GRIN2A: variants seen among roughly 807,000 people sequenced by gnomAD.
The protein encoded by GRIN2A is glutamate ionotropic receptor NMDA type subunit 2A, also known as glutamate receptor ionotropic, NMDA 2A.
Under a neutral mutation model 113.4 loss-of-function variants are expected in GRIN2A, and 22 were observed. The observed-to-expected ratio is 0.19, with a 90% CI of 0.14 to 0.28. The LOEUF (loss-of-function observed/expected upper bound fraction) is 0.28, where lower values mean the gene tolerates loss of function less well. Ranked by LOEUF, GRIN2A falls within the 10% of genes least tolerant of loss-of-function variation. The pLI, the probability that GRIN2A is intolerant of heterozygous loss-of-function variation, is 1.00. For missense variants in GRIN2A, 1,502 were observed against 1,887.0 expected, an observed-to-expected ratio of 0.80 and a Z score of 3.78; for synonymous variants, 827 against 738.4, an observed-to-expected ratio of 1.12 and a Z score of -1.94.
intron 2 of GRIN2A, among the ~76,000 whole-genome samples, chr16:9,962,646 C>A (rs1268050721): frequency 1.3e-5 from 2 of 152,112 alleles, no homozygotes; most frequent in Admixed American, 1.3e-4. Context: ...GAAATAGGAA[C>A]ATTTTTACAC....
intron 2 of GRIN2A, among the ~76,000 whole-genome samples, chr16:10,083,707 C>T (rs1362904031): frequency 2.6e-5 from 4 of 152,198 alleles, no homozygotes; most frequent in African/African-American, 4.8e-5. Context: ...TATAAAGTCA[C>T]CTTCTCTAAG....
At chr16:9,916,261 G>A (rs2044247482) in intron 3 of GRIN2A, among the ~76,000 whole-genome samples, 1 of 152,164 alleles carries the variant, frequency 6.6e-6, no homozygotes, top group African/African-American at 2.4e-5. Context: ...GGGTAATAAA[G>A]CAAAATGATC....
chr16:9,855,387 A>G (rs377107870), intron 4 of GRIN2A, among the ~76,000 whole-genome samples: 1 of 152,338 alleles, frequency 6.6e-6, no homozygotes, highest in Admixed American at 6.5e-5. Flanking sequence ...ACGTGGAACT[A>G]TTATCATTAA....
chr16:9,797,524 A>T (rs1903073940), intron 11 of GRIN2A, among the ~76,000 whole-genome samples: 1 of 152,226 alleles, frequency 6.6e-6, no homozygotes, highest in Admixed American at 6.5e-5. Flanking sequence ...CAGTCTCATT[A>T]GACTGCAATA....
At chr16:10,106,610 C>A (rs1330869560) in intron 2 of GRIN2A, among the ~76,000 whole-genome samples, 1 of 151,968 alleles carries the variant, frequency 6.6e-6, no homozygotes, top group Non-Finnish European at 1.5e-5. Flanking sequence ...AGTGGCCTGA[C>A]CCCCAGAAGG....
chr16:9,800,723 T>G (rs2141238445), intron 10 of GRIN2A, among the ~76,000 whole-genome samples: 1 of 151,982 alleles, frequency 6.6e-6, no homozygotes, highest in East Asian at 1.9e-4. Context: ...TCTGAGAGTA[T>G]TAAAGGGAAT....
chr16:9,961,807 C>T (rs2045448373), intron 2 of GRIN2A, among the ~76,000 whole-genome samples: 1 of 152,124 alleles, frequency 6.6e-6, no homozygotes, highest in Non-Finnish European at 1.5e-5. Context: ...CAAAAAAGAG[C>T]CCACAATGCC....
At chr16:9,954,422 C>T (rs1244470399) in intron 2 of GRIN2A, among the ~76,000 whole-genome samples, 1 of 152,164 alleles carries the variant, frequency 6.6e-6, no homozygotes, top group African/African-American at 2.4e-5. Flanking sequence ...ACACACATTG[C>T]ATCATCTTGC....
At chr16:10,177,435 C>T (rs2050170512) in intron 2 of GRIN2A, among the ~76,000 whole-genome samples, 1 of 152,122 alleles carries the variant, frequency 6.6e-6, no homozygotes, top group Admixed American at 6.5e-5. Flanking sequence ...AGAGAGTGGC[C>T]AATGTCTCCA....
At chr16:9,909,331 T>A (rs1031253035) in intron 3 of GRIN2A, among the ~76,000 whole-genome samples, 2 of 152,138 alleles carry the variant, frequency 1.3e-5, no homozygotes, top group African/African-American at 4.8e-5. Flanking sequence ...GTGGGGACAA[T>A]GCCAAACCAT....
At chr16:10,109,014 TAAA>T (rs56946708) in intron 2 of GRIN2A, among the ~76,000 whole-genome samples, 10,384 of 113,716 alleles carry the variant, frequency 0.091, 355 homozygotes, top group Non-Finnish European at 0.13. Flanking sequence ...TGATTCTCTT[TAAA>T]AAAAAAAAAA....
Position 9,761,156 on chromosome 16 carries a change from C to A in GRIN2A, c.*1993G>T, listed in dbSNP as rs1900565702. 1 of 232,510 alleles carries A rather than the reference C, an allele frequency of 4.3e-6. No homozygotes were observed. The allele number at this position is 232,510 out of a possible 1,614,324, so 14.4% of individuals were successfully genotyped here. ...TGATTGACCCTGAAATTTATTGCAA[C>A]CACTTTTCATTATAGGAACACTGTA... On this transcript the variant is annotated 3_prime_UTR_variant, in exon 13 of 13. Coordinates refer to ENST00000330684, the MANE Select transcript of GRIN2A (RefSeq NM_001134407.3).
chr16:9,930,117 C>G (rs1167072706), intron 3 of GRIN2A, among the ~76,000 whole-genome samples: 2 of 152,178 alleles, frequency 1.3e-5, no homozygotes, highest in Non-Finnish European at 2.9e-5. Flanking sequence ...AGGCTGTTGA[C>G]TTAGTGCTCA....
chr16:9,854,322 T>C (rs2042933125), intron 4 of GRIN2A, among the ~76,000 whole-genome samples: 1 of 151,770 alleles, frequency 6.6e-6, no homozygotes. Flanking sequence ...GGTGGCCGTC[T>C]GAATAGCCTT....
At chr16:9,769,678 T>A (rs1901145010) in intron 11 of GRIN2A, among the ~76,000 whole-genome samples, 1 of 152,042 alleles carries the variant, frequency 6.6e-6, no homozygotes. Context: ...AGAACATACT[T>A]CCTAGAGTCG....
chr16:9,834,156 A>G lies in GRIN2A; in HGVS notation c.1726T>C (p.Phe576Leu). ...LIVSAIAVFVFEYFSPVGYNR... is the reference protein window; with the variant it reads ...LIVSAIAVFVLEYFSPVGYNR... ...TATCCAACAGGGCTGAAGTATTCAA[A>G]GACAAAAACAGCTATGGCAGAAACA... Residue 576 changes from phenylalanine to leucine, a missense_variant, in exon 8 of 13, where the codon TTT becomes CTT. Physicochemically the swap from Phe to Leu is conservative, Grantham distance 22. This residue lies in a region of GRIN2A where 82 missense variants were observed against 222.7 expected (regional missense o/e 0.37). Transcript: ENST00000330684. The G allele has an allele frequency of 6.2e-7, 1 of 1,613,680 alleles. No individual in the cohort carries two copies. Among genetic ancestry groups the G allele is most frequent in the Non-Finnish European group, 8.5e-7 (1 of 1,179,578 alleles).
intron 2 of GRIN2A, among the ~76,000 whole-genome samples, chr16:10,130,088 TAAG>T (rs1465534398): frequency 2.0e-5 from 3 of 152,022 alleles, no homozygotes; most frequent in African/African-American, 7.2e-5. Flanking sequence ...GACAAGAAAG[TAAG>T]AAGGAGAGAT....
chr16:9,871,784 C>CT (rs370186890), intron 4 of GRIN2A, among the ~76,000 whole-genome samples: 1,874 of 151,600 alleles, frequency 0.012, 33 homozygotes, highest in African/African-American at 0.042. Flanking sequence ...CTATTAGGCA[C>CT]TTTTTTTTTG....
chr16:9,966,290 C>T (rs1008787092), intron 2 of GRIN2A, among the ~76,000 whole-genome samples: 6 of 152,136 alleles, frequency 3.9e-5, no homozygotes, highest in Admixed American at 1.3e-4. Context: ...CTCTGCAAGG[C>T]CCCATTGTGT....
Sources: allele counts gnomAD v4.1 joint callset (sites outside exome capture counted in the v4.1 genomes callset), GRCh38; gene constraint gnomAD v4.1.1; regional missense constraint gnomAD v4.1.1; transcripts MANE v1.5; gene names NCBI Gene and HGNC (gene_info 2026-07-23, HGNC 2026-07-21).